Variants in RAB15 observed in about 807,000 individuals in gnomAD.
The protein encoded by RAB15 is RAB15, member RAS oncogene family, also known as ras-related protein Rab-15.
RAB15 carries 13 observed loss-of-function variants against 31.8 expected under a neutral mutation model. That is an observed-to-expected ratio of 0.41 (90% CI 0.27 to 0.65). The LOEUF (loss-of-function observed/expected upper bound fraction) is 0.65. Ranked by LOEUF, RAB15 falls within the 30% of genes least tolerant of loss-of-function variation. The pLI is 0.32. For synonymous variants in RAB15, 100 were observed against 105.6 expected (o/e 0.95, Z 0.33); for missense variants, 220 against 277.3 (o/e 0.79, Z 1.47).
In RAB15 at chr14:64,958,366, C is replaced by G. The variant is rs1176316175; in HGVS notation, c.125-5795G>C. On this transcript the variant is annotated intron_variant, in intron 1 of 6. Coordinates refer to ENST00000533601, the MANE Select transcript of RAB15 (RefSeq NM_001308154.2). This position sits in a 1 kb window ranked among gnomAD's most constrained non-coding sequence, Gnocchi z 4.4. ...AAAAGAGGTCTGAGGGAGCTTGTTC[C>G]CTCTTCTGCCATGTGAGGATGGAGC... Among the ~76,000 whole-genome samples, 1 of 152,100 alleles carries G rather than the reference C, an allele frequency of 6.6e-6. No homozygotes were observed. The highest frequency in any genetic ancestry group is 1.5e-5 in the Non-Finnish European group (1 of 68,020).
At position 64,948,292 on chromosome 14, in the gene RAB15, C is replaced by T; in HGVS notation, c.*62G>A. 1.4e-6 allele frequency: 2 copies of T among 1,434,854 alleles called. No individual in the cohort carries two copies. The highest frequency in any genetic ancestry group is 1.8e-6 in the Non-Finnish European group (2 of 1,095,762). 88.9% of individuals were successfully genotyped at this position (1,434,854 alleles called of 1,614,324 possible). On this transcript the variant is annotated 3_prime_UTR_variant, in exon 7 of 7. Transcript: ENST00000533601. This position sits in a 1 kb window ranked among gnomAD's most constrained non-coding sequence, Gnocchi z 7.0. ...AGCAGCAGGGCAAAGCCCCGGCTCC[C>T]CTGTCTGCCCACGGGCCTCCTGAGG...
chr14:64,961,937 G>A (rs190178480), intron 1 of RAB15, among the ~76,000 whole-genome samples: 282 of 148,442 alleles, frequency 1.9e-3, no homozygotes, highest in African/African-American at 6.6e-3. Context: ...AAAACAGGCC[G>A]GGCGTGGTGG....
At chr14:64,949,584 G>T (rs528567830) in intron 5 of RAB15, among the ~76,000 whole-genome samples, 1 of 152,018 alleles carries the variant, frequency 6.6e-6, no homozygotes, top group African/African-American at 2.4e-5. Context: ...TTAGCCAGGC[G>T]TGGTGGCATG....
chr14:64,956,105 T>TAGAAATGCAAATTCTGGCCGCAC (rs1886544191), intron 1 of RAB15, among the ~76,000 whole-genome samples: 1 of 152,150 alleles, frequency 6.6e-6, no homozygotes, highest in African/African-American at 2.4e-5. Context: ...TGGGACTTGT[T>TAGAAATGCAAATTCTGGCCGCAC]AGAAATGCAA....
chr14:64,967,327 G>A (rs539741476), intron 1 of RAB15, among the ~76,000 whole-genome samples: 2 of 152,290 alleles, frequency 1.3e-5, no homozygotes, highest in African/African-American at 2.4e-5. Context: ...GGTAGCTCAC[G>A]CCTATAATCC....
At position 64,953,970 on chromosome 14, in the gene RAB15, T is replaced by G. The variant is rs1391902902; in HGVS notation, c.125-1399A>C. ...ACCTCCGCATCAGTTATTTGCCAAA[T>G]GGGAGACATCTTCCCTTATCTGTGC... On this transcript the variant is annotated intron_variant, in intron 1 of 6. Coordinates refer to ENST00000533601, the MANE Select transcript of RAB15 (RefSeq NM_001308154.2). This position sits in a 1 kb window ranked among gnomAD's most constrained non-coding sequence, Gnocchi z 4.6. 1.0e-6 allele frequency: 1 copy of G among 985,284 alleles called. No homozygotes were observed. The highest frequency in any genetic ancestry group is 1.1e-4 in the East Asian group (1 of 8,830). The allele number at this position is 985,284 out of a possible 1,614,324, so 61.0% of individuals were successfully genotyped here.
In RAB15 at chr14:64,970,325, A is replaced by C. The variant is rs1437328670; in HGVS notation, c.124+1628T>G. Among the ~76,000 whole-genome samples, 1 of 152,132 alleles carries C rather than the reference A, an allele frequency of 6.6e-6. No individual in the cohort carries two copies. Among genetic ancestry groups the C allele is most frequent in the Non-Finnish European group, 1.5e-5 (1 of 68,008 alleles). ...CTCTGCCACTTCCTCCATCACGCCC[A>C]TGCCTTTCTCCTGCACCTGCCTCTT... On this transcript the variant is annotated intron_variant, in intron 1 of 6. Coordinates refer to ENST00000533601, the MANE Select transcript of RAB15 (RefSeq NM_001308154.2). This position sits in a 1 kb window ranked among gnomAD's most constrained non-coding sequence, Gnocchi z 4.1.
chr14:64,957,914 G>A (rs914943576), intron 1 of RAB15: 3 of 152,068 alleles, frequency 2.0e-5, no homozygotes, highest in African/African-American at 7.3e-5. Flanking sequence ...CATACCCGAT[G>A]CCTTTTCCCG....
At chr14:64,964,542 AAAAG>A (rs1375335797) in intron 1 of RAB15, among the ~76,000 whole-genome samples, 6 of 151,716 alleles carry the variant, frequency 4.0e-5, no homozygotes, top group Non-Finnish European at 5.9e-5. Context: ...AAAAAAAGAA[AAAAG>A]AAAGAAAAGA....
chr14:64,965,950 G>C (rs1436554936), intron 1 of RAB15, among the ~76,000 whole-genome samples: 10 of 152,138 alleles, frequency 6.6e-5, no homozygotes, highest in African/African-American at 2.4e-4. Flanking sequence ...CCGAGTCTGT[G>C]CCTGTGTCAG....
rs1487979895 is a variant in RAB15, at chr14:64,951,363, C to T, written c.247-212G>A. Among the ~76,000 whole-genome samples the T allele has an allele frequency of 1.3e-5, 2 of 152,206 alleles. No individual in the cohort carries two copies. Among genetic ancestry groups the T allele is most frequent in the African/African-American group, 4.8e-5 (2 of 41,458 alleles). ...GCAGGAAGACACCACATGCTTTGACCTGGATCTTTGACCCAGGATGGAGGG... is the reference window on the plus strand; with the variant it reads ...GCAGGAAGACACCACATGCTTTGACTTGGATCTTTGACCCAGGATGGAGGG... On this transcript the variant is annotated intron_variant, in intron 3 of 6. Coordinates refer to ENST00000533601, the MANE Select transcript of RAB15 (RefSeq NM_001308154.2). The surrounding 1 kb of genome is among the most constrained non-coding windows in gnomAD (Gnocchi z 7.2).
In RAB15 at chr14:64,950,890, G is replaced by A; in HGVS notation, c.324+184C>T. 8.2e-7 allele frequency: 1 copy of A among 1,225,806 alleles called. No individual in the cohort carries two copies. Among genetic ancestry groups the A allele is most frequent in the Non-Finnish European group, 1.2e-6 (1 of 842,766 alleles). 75.9% of individuals were successfully genotyped at this position (1,225,806 alleles called of 1,614,324 possible). The stretch of plus-strand genomic sequence containing the variant: ...GACACAGCCGTGGAGGCCTGGCAGG[G>A]TATAGAGAGTGAGGGCATGGCAGCT... On this transcript the variant is annotated intron_variant, in intron 4 of 6. Transcript: ENST00000533601. The surrounding 1 kb of genome is among the most constrained non-coding windows in gnomAD (Gnocchi z 5.6).
rs114328388 is a variant in RAB15 at position 64,966,998 on chromosome 14, C to T, written c.124+4955G>A. 2.6e-3 allele frequency among the ~76,000 whole-genome samples: 392 copies of T among 152,252 alleles called. 2 individuals are homozygous for T. Among genetic ancestry groups the T allele is most frequent in the African/African-American group, 9.0e-3 (372 of 41,558 alleles). ...GGCCCCAGTGTCTGTTAGGTCACCC[C>T]ATTCCAGGCTTGGATCTAGCCCCAC... is the stretch of plus-strand genomic sequence containing the variant. On this transcript the variant is annotated intron_variant, in intron 1 of 6. Transcript: ENST00000533601.
At position 64,956,880 on chromosome 14, in the gene RAB15, T is replaced by G. The variant is rs1886602780; in HGVS notation, c.125-4309A>C. ...AGTCAGAAAGACCTGGTCCAAGTCCTGGTTCTGGCACTTACTGTGTAACTT... is the reference window on the plus strand; with the variant it reads ...AGTCAGAAAGACCTGGTCCAAGTCCGGGTTCTGGCACTTACTGTGTAACTT... On this transcript the variant is annotated intron_variant, in intron 1 of 6. Transcript: ENST00000533601. Among the ~76,000 whole-genome samples the G allele has an allele frequency of 2.0e-5, 3 of 152,062 alleles. 1 individual carries two copies. The South Asian group carries it at 6.2e-4, about 31-fold the overall frequency.
At chr14:64,963,402 T>C (rs1427721580) in intron 1 of RAB15, among the ~76,000 whole-genome samples, 1 of 151,986 alleles carries the variant, frequency 6.6e-6, no homozygotes, top group African/African-American at 2.4e-5. Context: ...ACATGTGCAG[T>C]GTGCTCCAGC....
chr14:64,966,916 C>T (rs938355187), intron 1 of RAB15, among the ~76,000 whole-genome samples: 1 of 152,108 alleles, frequency 6.6e-6, no homozygotes, highest in Non-Finnish European at 1.5e-5. Context: ...TGCATTTGCC[C>T]CCAGCTCCTC....
Position 64,971,821 on chromosome 14 carries a change from C to T in RAB15, c.124+132G>A. On this transcript the variant is annotated intron_variant, in intron 1 of 6. Transcript: ENST00000533601. This position sits in a 1 kb window ranked among gnomAD's most constrained non-coding sequence, Gnocchi z 4.1. ...ACCTATGCTCACCCCGAGATTTATC[C>T]CGGACTCCGGCCTCCGGCGCCACCG... 1.2e-6 allele frequency: 1 copy of T among 855,496 alleles called. No individual in the cohort carries two copies. Among genetic ancestry groups the T allele is most frequent in the Non-Finnish European group, 1.8e-6 (1 of 559,282 alleles). The allele number at this position is 855,496 out of a possible 1,614,324, so 53.0% of individuals were successfully genotyped here.
Position 64,971,131 on chromosome 14 carries a change from C to T in RAB15, c.124+822G>A, listed in dbSNP as rs994800658. Among the ~76,000 whole-genome samples, 7 of 152,132 alleles carry T rather than the reference C, an allele frequency of 4.6e-5. No individual in the cohort carries two copies. The highest frequency in any genetic ancestry group is 6.5e-5 in the Admixed American group (1 of 15,284). ...GAGGGGGCCCCTCACAGCCTAGAAG[C>T]GGGAGACTGACTGTCTCAGAGGGGA... On this transcript the variant is annotated intron_variant, in intron 1 of 6. Transcript: ENST00000533601. The surrounding 1 kb of genome is among the most constrained non-coding windows in gnomAD (Gnocchi z 4.1).
At chr14:64,967,171 TG>T (rs1450905485) in intron 1 of RAB15, among the ~76,000 whole-genome samples, 1 of 152,168 alleles carries the variant, frequency 6.6e-6, no homozygotes, top group African/African-American at 2.4e-5. Context: ...CAGCCCAACC[TG>T]TCCAACCAGA....
Sources: gnomAD v4.1 joint callset for allele counts (sites outside exome capture counted in the v4.1 genomes callset) on GRCh38, gnomAD v4.1.1 for gene constraint, Gnocchi (gnomAD v3.1) non-coding constraint, MANE v1.5 for transcripts, NCBI Gene and HGNC (gene_info 2026-07-23, HGNC 2026-07-21) for gene names.